Variants in CHODL observed in about 807,000 individuals in gnomAD.
CHODL encodes the protein transmembrane protein MT75.
In CHODL, 29 loss-of-function variants were observed where a neutral mutation model predicts 34.5. The observed-to-expected ratio is 0.84, with a 90% CI of 0.63 to 1.15. The LOEUF (loss-of-function observed/expected upper bound fraction) is 1.15, where lower values mean the gene tolerates loss of function less well. Ranked by LOEUF, CHODL falls within the 50% of genes most tolerant of loss-of-function variation. The pLI is 0.00. For synonymous variants in CHODL, 125 were observed against 116.1 expected (o/e 1.08, Z -0.49); for missense variants, 332 against 332.5 (o/e 1.00, Z 0.01).
chr21:18,044,319 A>G (rs115716149), intron 2 of CHODL, among the ~76,000 whole-genome samples: 3 of 152,070 alleles, frequency 2.0e-5, no homozygotes, highest in Non-Finnish European at 4.4e-5. Flanking sequence ...ATTGAACAAT[A>G]TAAATAGTGA....
chr21:17,976,791 AG>A (rs2089503795), intron 1 of CHODL, among the ~76,000 whole-genome samples: 1 of 152,094 alleles, frequency 6.6e-6, no homozygotes. Flanking sequence ...TTTGTTATTC[AG>A]GCTGCAAGTA....
At chr21:18,059,659 C>G (rs563466283) in intron 2 of CHODL, among the ~76,000 whole-genome samples, 2 of 152,106 alleles carry the variant, frequency 1.3e-5, no homozygotes, top group African/African-American at 4.8e-5. Flanking sequence ...CCAGCACCCC[C>G]AATAGGGCCC....
intron 2 of CHODL, among the ~76,000 whole-genome samples, chr21:18,110,036 T>C (rs922951502): frequency 3.9e-4 from 59 of 151,682 alleles, no homozygotes; most frequent in African/African-American, 1.4e-3. Flanking sequence ...GGGCTGGGAG[T>C]GTTGTGCTGA....
chr21:18,228,782 T>A (rs1254703209), intron 2 of CHODL, among the ~76,000 whole-genome samples: 1 of 152,182 alleles, frequency 6.6e-6, no homozygotes, highest in Non-Finnish European at 1.5e-5. Flanking sequence ...AGATGCTTCA[T>A]CTTAACTAAA....
At chr21:18,167,835 T>C (rs2073176909) in intron 2 of CHODL, among the ~76,000 whole-genome samples, 1 of 152,102 alleles carries the variant, frequency 6.6e-6, no homozygotes. Flanking sequence ...GATTGAAAAA[T>C]GCAAAGTATT....
intron 1 of CHODL, among the ~76,000 whole-genome samples, chr21:18,249,256 C>T (rs1032207303): frequency 2.7e-5 from 4 of 149,414 alleles, no homozygotes; most frequent in South Asian, 2.1e-4. Flanking sequence ...TGGATGTGTG[C>T]GACTCTAGGA....
In CHODL at chr21:18,239,303, A is replaced by G. The variant is rs150175485; in HGVS notation, c.-44-17206A>G. ...ATTCCTTATTATTTCCAAAATTTCT[A>G]TATTGCTGTCCTGCATTATACACAT... On this transcript the variant is annotated intron_variant, in intron 2 of 6. Transcript: ENST00000400127. Among the ~76,000 whole-genome samples the G allele has an allele frequency of 4.6e-5, 7 of 152,216 alleles. No homozygotes were observed. In the East Asian group the frequency reaches 1.4e-3, roughly 29 times the overall value.
At chr21:18,263,732 T>C (rs1316748567) in intron 5 of CHODL, among the ~76,000 whole-genome samples, 1 of 152,148 alleles carries the variant, frequency 6.6e-6, no homozygotes, top group Non-Finnish European at 1.5e-5. Context: ...ATCAAGGGGA[T>C]GCCTCCATCA....
intron 2 of CHODL, among the ~76,000 whole-genome samples, chr21:18,079,474 T>C (rs1259242226): frequency 3.4e-5 from 5 of 148,654 alleles, no homozygotes; most frequent in Non-Finnish European, 7.4e-5. Context: ...ATATCACATA[T>C]ATATACCATA....
chr21:18,157,793 A>G (rs1015715900), intron 2 of CHODL, among the ~76,000 whole-genome samples: 2 of 152,240 alleles, frequency 1.3e-5, no homozygotes, highest in Non-Finnish European at 2.9e-5. Context: ...ATACAACTCT[A>G]TTCAATTTGA....
chr21:17,987,048 CAG>C (rs375074128), intron 1 of CHODL, among the ~76,000 whole-genome samples: 1 of 152,050 alleles, frequency 6.6e-6, no homozygotes, highest in African/African-American at 2.4e-5. Context: ...TAGGAGAGCT[CAG>C]AAAAGAAAAG....
intron 2 of CHODL, among the ~76,000 whole-genome samples, chr21:18,119,494 A>G (rs1163163885): frequency 6.6e-6 from 1 of 152,178 alleles, no homozygotes; most frequent in African/African-American, 2.4e-5. Flanking sequence ...TTGCTTATCA[A>G]ATGGTCCAGG....
At chr21:17,974,665 G>A (rs966253041) in intron 1 of CHODL, among the ~76,000 whole-genome samples, 3 of 152,000 alleles carry the variant, frequency 2.0e-5, no homozygotes, top group Non-Finnish European at 4.4e-5. Context: ...TGATAAAGTT[G>A]TCTTTAAAAT....
intron 2 of CHODL, among the ~76,000 whole-genome samples, chr21:18,108,161 T>TA (rs1491231149): frequency 1.3e-5 from 2 of 151,552 alleles, no homozygotes; most frequent in East Asian, 1.9e-4. Context: ...TTTTTTTTTT[T>TA]ATCATTTACT....
At chr21:18,065,196 G>T (rs916936682) in intron 2 of CHODL, among the ~76,000 whole-genome samples, 9 of 152,244 alleles carry the variant, frequency 5.9e-5, no homozygotes, top group Non-Finnish European at 8.8e-5. Flanking sequence ...TTCTCTTTTT[G>T]TAGCCAGTAA....
chr21:17,922,188 T>G (rs2063188224), intron 1 of CHODL, among the ~76,000 whole-genome samples: 1 of 151,180 alleles, frequency 6.6e-6, no homozygotes, highest in African/African-American at 2.4e-5. Flanking sequence ...ATATACCAAG[T>G]GGGCCACTGC....
chr21:18,143,405 A>G (rs1366507221), intron 2 of CHODL, among the ~76,000 whole-genome samples: 1 of 152,190 alleles, frequency 6.6e-6, no homozygotes, highest in Non-Finnish European at 1.5e-5. Flanking sequence ...TTTAATTATT[A>G]TGACAAGTAT....
At position 18,184,680 on chromosome 21, in the gene CHODL, G is replaced by T. The variant is rs180749206; in HGVS notation, c.-44-71829G>T. ...GGAGGGAGAAACTTCTGTAAAGTTT[G>T]CAAGTCCCCAGATTTGAAGGAATTT... On this transcript the variant is annotated intron_variant, in intron 2 of 6. Transcript: ENST00000400127. Among the ~76,000 whole-genome samples the T allele has an allele frequency of 2.7e-3, 413 of 152,292 alleles. 3 individuals are homozygous for T. Among genetic ancestry groups the T allele is most frequent in the South Asian group, 0.014 (66 of 4,824 alleles).
intron 2 of CHODL, among the ~76,000 whole-genome samples, chr21:18,117,742 T>C (rs2065430912): frequency 7.8e-6 from 1 of 128,086 alleles, no homozygotes; most frequent in African/African-American, 2.6e-5. Flanking sequence ...AATAAATAAA[T>C]AAAACAATGA....
Sources: allele counts gnomAD v4.1 joint callset (sites outside exome capture counted in the v4.1 genomes callset), GRCh38; gene constraint gnomAD v4.1.1; transcripts MANE v1.5; gene names NCBI Gene and HGNC (gene_info 2026-07-23, HGNC 2026-07-21).